The following ENOX1 variants were observed in gnomAD, a reference collection of about 807,000 sequenced individuals.
The protein encoded by ENOX1 is ecto-NOX disulfide-thiol exchanger 1.
In ENOX1, 42 loss-of-function variants were observed where a neutral mutation model predicts 82.5. The ratio of observed to expected loss-of-function variants is 0.51; its 90% CI spans 0.40 to 0.66. The LOEUF (loss-of-function observed/expected upper bound fraction) is 0.66. Among genes scored for constraint, ENOX1 ranks in the 30% least tolerant of loss-of-function variants. ENOX1 has a pLI of 0.00. For missense variants in ENOX1, 608 were observed against 811.6 expected, an observed-to-expected ratio of 0.75 and a Z score of 3.05; for synonymous variants, 271 against 282.2, an observed-to-expected ratio of 0.96 and a Z score of 0.40.
intron 1 of ENOX1, among the ~76,000 whole-genome samples, chr13:43,780,336 C>T (rs1048678055): frequency 3.3e-5 from 5 of 151,872 alleles, no homozygotes; most frequent in Admixed American, 1.3e-4. Flanking sequence ...AAAATCTTCC[C>T]TATGTATTAA....
intron 1 of ENOX1, among the ~76,000 whole-genome samples, chr13:43,685,159 C>G (rs953134012): frequency 6.6e-6 from 1 of 152,106 alleles, no homozygotes; most frequent in African/African-American, 2.4e-5. Flanking sequence ...TCAAGTTCAC[C>G]CGGACGACAC....
chr13:43,289,273 C>T (rs749651043), intron 12 of ENOX1, among the ~76,000 whole-genome samples: 4 of 152,028 alleles, frequency 2.6e-5, no homozygotes, highest in African/African-American at 7.2e-5. Context: ...CAACTCTAAG[C>T]CAAAAGAACA....
At chr13:43,223,877 G>A (rs1480678919) in intron 16 of ENOX1, among the ~76,000 whole-genome samples, 176 bp downstream of exon 16, 1 of 152,116 alleles carries the variant, frequency 6.6e-6, no homozygotes, top group Non-Finnish European at 1.5e-5. Context: ...AAAGACAAAA[G>A]CAAGCAAAAA....
chr13:43,216,261 G>A (rs2041478107), intron 16 of ENOX1, among the ~76,000 whole-genome samples: 1 of 152,164 alleles, frequency 6.6e-6, no homozygotes, highest in African/African-American at 2.4e-5. Flanking sequence ...CTCAAGCTGT[G>A]TGACTTTGGG....
chr13:43,689,778 C>T (rs1173478537), intron 1 of ENOX1, among the ~76,000 whole-genome samples: 1 of 152,162 alleles, frequency 6.6e-6, no homozygotes, highest in Non-Finnish European at 1.5e-5. Context: ...ACACACTCAA[C>T]ACTCAAAGGA....
chr13:43,283,872 TTA>T (rs2045546204), intron 12 of ENOX1, among the ~76,000 whole-genome samples: 2 of 152,132 alleles, frequency 1.3e-5, no homozygotes, highest in African/African-American at 4.8e-5. Context: ...TTTTGATATA[TTA>T]TGTTTTAATT....
intron 2 of ENOX1, among the ~76,000 whole-genome samples, chr13:43,538,287 G>A (rs571954456): frequency 1.3e-5 from 2 of 152,262 alleles, no homozygotes; most frequent in South Asian, 4.2e-4. Flanking sequence ...ACTAAATGTG[G>A]AATGGTATGT....
intron 3 of ENOX1, among the ~76,000 whole-genome samples, chr13:43,475,171 C>G (rs949499196): frequency 3.3e-5 from 5 of 152,048 alleles, no homozygotes; most frequent in African/African-American, 1.2e-4. Flanking sequence ...AAAATTTGAC[C>G]ATTAAGAAAA....
chr13:43,355,591 G>T (rs1255484462), intron 8 of ENOX1, among the ~76,000 whole-genome samples: 1 of 152,136 alleles, frequency 6.6e-6, no homozygotes, highest in Non-Finnish European at 1.5e-5. Context: ...GCCTGCTTTG[G>T]GGACCTTTCT....
chr13:43,561,250 G>C (rs1244562473), intron 2 of ENOX1, among the ~76,000 whole-genome samples: 2 of 152,080 alleles, frequency 1.3e-5, no homozygotes, highest in Non-Finnish European at 2.9e-5. Flanking sequence ...ACTCACCCCT[G>C]GTTTGGCAGG....
At chr13:43,776,978 G>A (rs1421149229) in intron 1 of ENOX1, among the ~76,000 whole-genome samples, 4 of 152,206 alleles carry the variant, frequency 2.6e-5, no homozygotes, top group African/African-American at 9.7e-5. Flanking sequence ...GGAAGAGCAA[G>A]GAATGCTGTA....
At chr13:43,524,178 T>C (rs2077893429) in intron 2 of ENOX1, among the ~76,000 whole-genome samples, 1 of 152,148 alleles carries the variant, frequency 6.6e-6, no homozygotes, top group South Asian at 2.1e-4. Context: ...ATTGTCTTGA[T>C]AGTGACATCT....
chr13:43,246,231 T>C (rs2043074784), intron 14 of ENOX1, among the ~76,000 whole-genome samples: 1 of 152,228 alleles, frequency 6.6e-6, no homozygotes, highest in South Asian at 2.1e-4. Context: ...ATGAGGCTAA[T>C]GACTTGCCCA....
At chr13:43,707,448 G>T (rs1254436349) in intron 1 of ENOX1, among the ~76,000 whole-genome samples, 1 of 152,184 alleles carries the variant, frequency 6.6e-6, no homozygotes, top group East Asian at 1.9e-4. Context: ...AAAACAATAA[G>T]AACAGGGTGG....
intron 5 of ENOX1, among the ~76,000 whole-genome samples, chr13:43,409,431 GAGAA>G (rs2053988617): frequency 6.6e-6 from 1 of 152,086 alleles, no homozygotes; most frequent in Non-Finnish European, 1.5e-5. Flanking sequence ...AAGCAGAAAG[GAGAA>G]AGAAAGAAAT....
intron 2 of ENOX1, among the ~76,000 whole-genome samples, chr13:43,542,567 C>G (rs1323969276): frequency 6.6e-6 from 1 of 151,916 alleles, no homozygotes; most frequent in East Asian, 1.9e-4. Flanking sequence ...TCCGGAGTAG[C>G]TGGGATTACA....
At chr13:43,379,784 A>G (rs1048756356) in intron 5 of ENOX1, among the ~76,000 whole-genome samples, 2 of 151,940 alleles carry the variant, frequency 1.3e-5, no homozygotes, top group Non-Finnish European at 2.9e-5. Flanking sequence ...TTTGATAGAA[A>G]CTATAAGCTC....
At chr13:43,576,383 T>C (rs887596220) in intron 2 of ENOX1, among the ~76,000 whole-genome samples, 1 of 152,128 alleles carries the variant, frequency 6.6e-6, no homozygotes, top group African/African-American at 2.4e-5. Flanking sequence ...TATAATCTTG[T>C]AGGACTGTAT....
intron 16 of ENOX1, 27 bp downstream of exon 16, chr13:43,224,026 A>C: frequency 1.3e-6 from 2 of 1,585,886 alleles, no homozygotes; most frequent in Non-Finnish European, 1.7e-6. Flanking sequence ...TTGAGCAACG[A>C]AAGTTCACTC....
Sources: gnomAD v4.1 joint callset for allele counts (sites outside exome capture counted in the v4.1 genomes callset) on GRCh38, gnomAD v4.1.1 for gene constraint, MANE v1.5 for transcripts, NCBI Gene and HGNC (gene_info 2026-07-23, HGNC 2026-07-21) for gene names.